Variants in ZNF521 observed in about 807,000 individuals in gnomAD.
The protein encoded by ZNF521 is zinc finger protein 521, also known as LYST-interacting protein 3.
In ZNF521, 14 loss-of-function variants were observed where a neutral mutation model predicts 105.5. The ratio of observed to expected loss-of-function variants is 0.13; its 90% CI spans 0.09 to 0.21. The LOEUF is 0.21. Ranked by LOEUF, ZNF521 falls within the 10% of genes least tolerant of loss-of-function variation. ZNF521 has a pLI of 1.00. For synonymous variants in ZNF521, 635 were observed against 606.0 expected (o/e 1.05, Z -0.70); for missense variants, 1,233 against 1,629.7 (o/e 0.76, Z 4.19).
intron 5 of ZNF521, among the ~76,000 whole-genome samples, chr18:25,128,037 C>T (rs1013668804): frequency 3.3e-5 from 5 of 151,842 alleles, no homozygotes; most frequent in African/African-American, 1.2e-4. Context: ...AAACAATAGA[C>T]CACTATGCCT....
chr18:25,113,956 G>A (rs1271721746), intron 5 of ZNF521, among the ~76,000 whole-genome samples: 1 of 151,014 alleles, frequency 6.6e-6, no homozygotes, highest in Non-Finnish European at 1.5e-5. Context: ...AAGGTAAACA[G>A]TGTCCTGAAG....
At chr18:25,090,668 T>G (rs1484670198) in intron 6 of ZNF521, among the ~76,000 whole-genome samples, 1 of 152,218 alleles carries the variant, frequency 6.6e-6, no homozygotes, top group African/African-American at 2.4e-5. Flanking sequence ...GGTTTTTACA[T>G]AGATTTGCAG....
chr18:25,331,521 T>C (rs967319222), intron 2 of ZNF521, among the ~76,000 whole-genome samples: 8 of 152,220 alleles, frequency 5.3e-5, no homozygotes, highest in Non-Finnish European at 1.0e-4. Flanking sequence ...AATAAGTCTA[T>C]GTAGTCTTAG....
chr18:25,301,927 T>C (rs889528419), intron 3 of ZNF521: 3 of 152,348 alleles, frequency 2.0e-5, no homozygotes, highest in Middle Eastern at 3.4e-3. Flanking sequence ...GTGTGATTCA[T>C]TATTGATTTC....
intron 4 of ZNF521, among the ~76,000 whole-genome samples, chr18:25,198,574 A>G (rs2035940032): frequency 6.6e-6 from 1 of 151,990 alleles, no homozygotes; most frequent in Admixed American, 6.6e-5. Flanking sequence ...TACTGAATAG[A>G]TTAAAAAAAA....
Position 25,185,070 on chromosome 18 carries a change from G to T in ZNF521, c.3658+10090C>A, listed in dbSNP as rs185341947. Among the ~76,000 whole-genome samples, 219 of 152,224 alleles carry T rather than the reference G, an allele frequency of 1.4e-3. 3 individuals carry two copies. The highest frequency in any genetic ancestry group is 1.9e-3 in the Non-Finnish European group (132 of 68,000). On this transcript the variant is annotated intron_variant, in intron 5 of 7. Coordinates refer to ENST00000361524, the MANE Select transcript of ZNF521 (RefSeq NM_015461.3). ...TCTATGTCTTAAGCAAACCTAAAAA[G>T]ATATTGAAAATACAAATCTTTTCTT...
intron 3 of ZNF521, among the ~76,000 whole-genome samples, chr18:25,261,499 A>G (rs1908903818): frequency 6.6e-6 from 1 of 152,132 alleles, no homozygotes; most frequent in Admixed American, 6.5e-5. Flanking sequence ...TTTCTCTATC[A>G]CAACATATAT....
At chr18:25,119,806 A>G (rs2034399171) in intron 5 of ZNF521, among the ~76,000 whole-genome samples, 1 of 152,070 alleles carries the variant, frequency 6.6e-6, no homozygotes, top group Admixed American at 6.5e-5. Context: ...AAATCAGTAT[A>G]AGAAAAGAAA....
chr18:25,321,689 T>C (rs1371894471), intron 3 of ZNF521, among the ~76,000 whole-genome samples: 1 of 152,226 alleles, frequency 6.6e-6, no homozygotes, highest in Non-Finnish European at 1.5e-5. Flanking sequence ...TGAAAAGGTA[T>C]TCAAAGGATT....
At chr18:25,137,616 GTCT>G (rs1555638314) in intron 5 of ZNF521, among the ~76,000 whole-genome samples, 2 of 152,120 alleles carry the variant, frequency 1.3e-5, no homozygotes, top group Non-Finnish European at 1.5e-5. Flanking sequence ...AATCAAGTCC[GTCT>G]TCTTCATTTT....
intron 3 of ZNF521, among the ~76,000 whole-genome samples, chr18:25,304,891 G>A (rs7234083): frequency 6.6e-6 from 1 of 152,120 alleles, no homozygotes; most frequent in Non-Finnish European, 1.5e-5. Context: ...GTTTACGCTT[G>A]CCTTAAGTGC....
chr18:25,219,933 C>T (rs961697433), intron 4 of ZNF521, among the ~76,000 whole-genome samples: 3 of 152,194 alleles, frequency 2.0e-5, no homozygotes, highest in South Asian at 2.1e-4. Flanking sequence ...GTCACGTAAC[C>T]ACCACAGGCA....
At chr18:25,176,536 T>A (rs1600121267) in intron 5 of ZNF521, among the ~76,000 whole-genome samples, 1 of 152,354 alleles carries the variant, frequency 6.6e-6, no homozygotes, top group Admixed American at 6.5e-5. Context: ...AGTTATTTTG[T>A]GCCTCCTCTG....
chr18:25,228,533 T>C (rs1906321580), intron 3 of ZNF521, among the ~76,000 whole-genome samples: 1 of 152,262 alleles, frequency 6.6e-6, no homozygotes, highest in African/African-American at 2.4e-5. Flanking sequence ...GCCCACCATA[T>C]CTTCCTTTTG....
intron 2 of ZNF521, among the ~76,000 whole-genome samples, chr18:25,325,645 C>T (rs562716923): frequency 1.8e-4 from 28 of 152,272 alleles, no homozygotes; most frequent in East Asian, 3.9e-4. Flanking sequence ...AATGATGCTG[C>T]GCAAACATGT....
At chr18:25,112,116 C>G (rs1300232529) in intron 5 of ZNF521, among the ~76,000 whole-genome samples, 1 of 152,212 alleles carries the variant, frequency 6.6e-6, no homozygotes, top group Non-Finnish European at 1.5e-5. Flanking sequence ...AAATGGCCTA[C>G]TCTCCTGTCC....
intron 5 of ZNF521, among the ~76,000 whole-genome samples, chr18:25,144,827 G>C (rs1023340609): frequency 6.6e-6 from 1 of 152,132 alleles, no homozygotes; most frequent in African/African-American, 2.4e-5. Flanking sequence ...AGTGATTTTA[G>C]AATCTCAAGA....
intron 5 of ZNF521, among the ~76,000 whole-genome samples, chr18:25,124,200 A>C (rs2034496338): frequency 6.6e-6 from 1 of 152,218 alleles, no homozygotes; most frequent in Non-Finnish European, 1.5e-5. Context: ...TAACTGGGTA[A>C]GTTTTTCTTC....
chr18:25,123,274 C>A (rs1293846894), intron 5 of ZNF521, among the ~76,000 whole-genome samples: 4 of 151,852 alleles, frequency 2.6e-5, no homozygotes, highest in Non-Finnish European at 5.9e-5. Context: ...GTAAAGCATG[C>A]TATATTTTTT....
Sources: gnomAD v4.1 joint callset for allele counts (sites outside exome capture counted in the v4.1 genomes callset) on GRCh38, gnomAD v4.1.1 for gene constraint, MANE v1.5 for transcripts, NCBI Gene and HGNC (gene_info 2026-07-23, HGNC 2026-07-21) for gene names.